The following FHIT variants were observed in gnomAD, a reference collection of about 807,000 sequenced individuals.
FHIT encodes fragile histidine triad diadenosine triphosphatase, also known as bis(5'-adenosyl)-triphosphatase.
In FHIT, 19 loss-of-function variants were observed where a neutral mutation model predicts 17.9. The ratio of observed to expected loss-of-function variants is 1.06; its 90% confidence interval spans 0.74 to 1.56. The LOEUF (loss-of-function observed/expected upper bound fraction) is 1.56, where lower values mean the gene tolerates loss of function less well. Ranked by LOEUF, FHIT falls within the 40% of genes most tolerant of loss-of-function variation. The probability of loss-of-function intolerance (pLI) is 0.00; values close to 1 mark genes in which losing one functional copy is unlikely to be tolerated. For synonymous variants in FHIT, 81 were observed against 69.7 expected (o/e 1.16, Z -0.81); for missense variants, 248 against 189.2 (o/e 1.31, Z -1.82).
intron 5 of FHIT, among the ~76,000 whole-genome samples, chr3:60,505,222 T>C (rs2034679996): frequency 6.6e-6 from 1 of 152,174 alleles, no homozygotes; most frequent in South Asian, 2.1e-4. Context: ...TAAACAAGAC[T>C]GGTTCCAGGC....
At chr3:60,717,946 G>T (rs782768277) in intron 4 of FHIT, among the ~76,000 whole-genome samples, 1 of 152,160 alleles carries the variant, frequency 6.6e-6, no homozygotes, top group Non-Finnish European at 1.5e-5. Context: ...TTTGGACAGA[G>T]TCTATTCAAC....
intron 2 of FHIT, among the ~76,000 whole-genome samples, chr3:61,095,776 T>C (rs942452195): frequency 1.3e-5 from 2 of 152,234 alleles, no homozygotes; most frequent in Non-Finnish European, 2.9e-5. Context: ...GTCCCCTCTC[T>C]TCAGGGTATC....
chr3:60,072,052 C>A (rs550939166), intron 5 of FHIT, among the ~76,000 whole-genome samples: 12 of 151,256 alleles, frequency 7.9e-5, no homozygotes, highest in African/African-American at 2.9e-4. Flanking sequence ...TCTTTACTAA[C>A]AGAGTGAGAA....
At chr3:60,960,632 G>C (rs554804294) in intron 3 of FHIT, among the ~76,000 whole-genome samples, 58 of 152,172 alleles carry the variant, frequency 3.8e-4, no homozygotes, top group South Asian at 2.5e-3. Flanking sequence ...TCTCCATCCT[G>C]TGTCTATGTG....
chr3:60,384,468 G>A (rs74918880), intron 5 of FHIT, among the ~76,000 whole-genome samples: 1,684 of 152,192 alleles, frequency 0.011, 36 homozygotes, highest in African/African-American at 0.039. Flanking sequence ...AGCCCCATGC[G>A]AGGAGAGAGT....
intron 8 of FHIT, among the ~76,000 whole-genome samples, chr3:59,906,652 GATTA>G (rs1236644035): frequency 2.6e-5 from 4 of 152,254 alleles, no homozygotes; most frequent in South Asian, 2.1e-4. Flanking sequence ...TTTCGTATCT[GATTA>G]ATTATTCTCT....
At chr3:60,401,721 T>C (rs908391142) in intron 5 of FHIT, among the ~76,000 whole-genome samples, 1 of 152,202 alleles carries the variant, frequency 6.6e-6, no homozygotes, top group Non-Finnish European at 1.5e-5. Flanking sequence ...TGTTTCCTCC[T>C]GGACCCCTGA....
chr3:59,968,913 G>C (rs1417279102), intron 7 of FHIT, among the ~76,000 whole-genome samples: 1 of 152,180 alleles, frequency 6.6e-6, no homozygotes, highest in Non-Finnish European at 1.5e-5. Context: ...GTGCAGGAAA[G>C]AGACCAAGAA....
chr3:60,968,590 T>A (rs1362610619), intron 3 of FHIT, among the ~76,000 whole-genome samples: 5 of 152,108 alleles, frequency 3.3e-5, no homozygotes, highest in African/African-American at 1.2e-4. Context: ...TTTTTGTATT[T>A]TTATTAGAGA....
intron 5 of FHIT, among the ~76,000 whole-genome samples, chr3:60,265,639 A>G (rs1194446822): frequency 1.3e-5 from 2 of 152,000 alleles, no homozygotes; most frequent in African/African-American, 4.8e-5. Context: ...TGAGAAGACA[A>G]TCAAAGAGGA....
intron 1 of FHIT, among the ~76,000 whole-genome samples, chr3:61,202,415 T>G (rs998526952): frequency 6.6e-6 from 1 of 152,118 alleles, no homozygotes; most frequent in African/African-American, 2.4e-5. Context: ...CCGGACGCTG[T>G]GCAACCTTCC....
At chr3:60,013,659 C>CT (rs1167496420) in intron 6 of FHIT, among the ~76,000 whole-genome samples, 3 of 152,166 alleles carry the variant, frequency 2.0e-5, no homozygotes, top group Non-Finnish European at 4.4e-5. Flanking sequence ...TAGAGCAGGG[C>CT]TTAGTCTATG....
At chr3:60,182,178 C>T (rs1212093747) in intron 5 of FHIT, among the ~76,000 whole-genome samples, 3 of 152,144 alleles carry the variant, frequency 2.0e-5, no homozygotes, top group Admixed American at 6.5e-5. Flanking sequence ...CTAGAGGTTG[C>T]TTTCCTCCCC....
intron 4 of FHIT, among the ~76,000 whole-genome samples, chr3:60,595,629 G>A (rs1024591727): frequency 2.9e-4 from 42 of 146,588 alleles, no homozygotes; most frequent in African/African-American, 8.1e-4. Flanking sequence ...ATGTATATAT[G>A]TGTGTGTGTG....
At chr3:60,656,285 C>G (rs2040114060) in intron 4 of FHIT, among the ~76,000 whole-genome samples, 1 of 152,140 alleles carries the variant, frequency 6.6e-6, no homozygotes, top group South Asian at 2.1e-4. Flanking sequence ...GGGAAAGCAA[C>G]AGTGTTTTCA....
intron 1 of FHIT, among the ~76,000 whole-genome samples, chr3:61,208,330 T>A (rs979532759): frequency 6.6e-6 from 1 of 152,102 alleles, no homozygotes; most frequent in African/African-American, 2.4e-5. Context: ...GTCTATTAGG[T>A]CCGCTTGGTG....
intron 4 of FHIT, among the ~76,000 whole-genome samples, chr3:60,752,693 G>A (rs927862490): frequency 3.9e-5 from 6 of 152,232 alleles, no homozygotes; most frequent in African/African-American, 1.4e-4. Context: ...GGAGCGCTTG[G>A]TGTAAGGCAT....
Position 60,589,977 on chromosome 3 carries a change from T to C in FHIT, c.-17-52998A>G, listed in dbSNP as rs2038031396. ...CTGGGTAAATTTACAAACTTTAGTT[T>C]CTGGGCCTGCTAACACAGGTGAACA... On this transcript the variant is annotated intron_variant, in intron 4 of 9. Transcript: ENST00000492590. 1.3e-5 allele frequency among the ~76,000 whole-genome samples: 2 copies of C among 152,030 alleles called. 1 individual carries two copies. The highest frequency in any genetic ancestry group is 1.3e-4 in the Admixed American group (2 of 15,248).
At chr3:61,134,100 T>TACACACACACACACAGACACACAC (rs2036842599) in intron 2 of FHIT, among the ~76,000 whole-genome samples, 1 of 134,876 alleles carries the variant, frequency 7.4e-6, no homozygotes, top group Non-Finnish European at 1.6e-5. Flanking sequence ...CACACACACA[T>TACACACACACACACAGACACACAC]ACACACACAC....
Sources: gnomAD v4.1 joint callset for allele counts (sites outside exome capture counted in the v4.1 genomes callset) on GRCh38, gnomAD v4.1.1 for gene constraint, MANE v1.5 for transcripts, NCBI Gene and HGNC (gene_info 2026-07-23, HGNC 2026-07-21) for gene names.